The following C1QTNF3 variants were observed in gnomAD, a reference collection of about 807,000 sequenced individuals.
C1QTNF3 encodes C1q and TNF related 3.
In C1QTNF3, 26 loss-of-function variants were observed where a neutral mutation model predicts 32.6. The observed-to-expected ratio is 0.80, with a 90% CI of 0.58 to 1.11. The LOEUF is 1.11. C1QTNF3 is among the 50% of genes least tolerant of loss of function. The pLI, the probability that C1QTNF3 is intolerant of heterozygous loss-of-function variation, is 0.00. For synonymous variants in C1QTNF3, 155 were observed against 146.0 expected, an observed-to-expected ratio of 1.06 and a Z score of -0.44; for missense variants, 362 against 398.2, an observed-to-expected ratio of 0.91 and a Z score of 0.77.
At chr5:34,201,389 T>C in the C1QTNF3 span, among the ~76,000 whole-genome samples, 1 of 152,204 alleles carries the variant, frequency 6.6e-6, no homozygotes, top group African/African-American at 2.4e-5. Context: ...AACATGTTTT[T>C]ATCTATTAAT....
the C1QTNF3 span, among the ~76,000 whole-genome samples, chr5:34,128,821 G>C: frequency 6.6e-6 from 1 of 152,168 alleles, no homozygotes; most frequent in Non-Finnish European, 1.5e-5. Context: ...GTTTGTCTCA[G>C]AAAGACTTTG....
At chr5:34,035,052 T>C (rs188077175) in intron 2 of C1QTNF3, among the ~76,000 whole-genome samples, 12 of 152,174 alleles carry the variant, frequency 7.9e-5, no homozygotes, top group African/African-American at 9.6e-5. Context: ...GGGAGCCCCA[T>C]ATTGAGGAGA....
At chr5:34,105,051 T>C in the C1QTNF3 span, among the ~76,000 whole-genome samples, 7 of 152,230 alleles carry the variant, frequency 4.6e-5, no homozygotes, top group Admixed American at 6.5e-5. Context: ...TTTCTGTCTC[T>C]TGTGTTTTAG....
chr5:34,141,753 A>G, the C1QTNF3 span, among the ~76,000 whole-genome samples: 1 of 152,172 alleles, frequency 6.6e-6, no homozygotes, highest in South Asian at 2.1e-4. Flanking sequence ...GGGTGGTGTC[A>G]GTCAAATGGT....
At position 34,037,096 on chromosome 5, in the gene C1QTNF3, G is replaced by A. The variant is rs537338283; in HGVS notation, c.304-1338C>T. 5.3e-5 allele frequency among the ~76,000 whole-genome samples: 8 copies of A among 152,284 alleles called. No homozygotes were observed. The South Asian group carries it at 6.2e-4, about 12-fold the overall frequency. ...TAAATTTCTAAAATGTATGTTTACC[G>A]TCAAAGAGCTAAAGACCTAGTGGAA... On this transcript the variant is annotated intron_variant, in intron 1 of 5. Transcript: ENST00000382065.
At chr5:34,028,053 A>G (rs944336719) in intron 4 of C1QTNF3, among the ~76,000 whole-genome samples, 1 of 152,142 alleles carries the variant, frequency 6.6e-6, no homozygotes, top group African/African-American at 2.4e-5. Context: ...GCTCACTGCA[A>G]GCTCCGCCTC....
At chr5:34,115,687 C>A in the C1QTNF3 span, among the ~76,000 whole-genome samples, 2 of 150,434 alleles carry the variant, frequency 1.3e-5, no homozygotes, top group South Asian at 2.1e-4. Flanking sequence ...GCTGAGATGG[C>A]GCCACTGTAC....
the C1QTNF3 span, among the ~76,000 whole-genome samples, chr5:34,172,930 G>A: frequency 3.3e-5 from 5 of 152,040 alleles, no homozygotes; most frequent in Admixed American, 2.0e-4. Context: ...CTTGTATATC[G>A]AGGATCACAT....
the C1QTNF3 span, among the ~76,000 whole-genome samples, chr5:34,073,965 C>A: frequency 1.3e-5 from 2 of 152,146 alleles, no homozygotes; most frequent in South Asian, 4.1e-4. Context: ...CTCATTCAAT[C>A]ATTTTTTTGA....
chr5:34,148,819 G>C, the C1QTNF3 span, among the ~76,000 whole-genome samples: 1 of 101,540 alleles, frequency 9.8e-6, no homozygotes, highest in Non-Finnish European at 2.0e-5. Flanking sequence ...CCAAAGGAAC[G>C]CAGTTCCTCA....
chr5:34,126,188 T>C, the C1QTNF3 span, among the ~76,000 whole-genome samples: 1 of 152,232 alleles, frequency 6.6e-6, no homozygotes, highest in Non-Finnish European at 1.5e-5. Context: ...CAAATTTACA[T>C]TCTATAAATT....
chr5:34,032,623 C>A (rs1329518849), intron 3 of C1QTNF3, among the ~76,000 whole-genome samples: 1 of 152,104 alleles, frequency 6.6e-6, no homozygotes, highest in African/African-American at 2.4e-5. Flanking sequence ...ATGGCAAAAA[C>A]CCGTCTGTAT....
chr5:34,200,071 CCTT>C, the C1QTNF3 span: 2 of 149,422 alleles, frequency 1.3e-5, no homozygotes, highest in Non-Finnish European at 3.0e-5. Flanking sequence ...TTTGTCATCT[CCTT>C]GTCTTCCTAC....
the C1QTNF3 span, among the ~76,000 whole-genome samples, chr5:34,100,828 T>C: frequency 1.3e-5 from 2 of 151,018 alleles, no homozygotes; most frequent in South Asian, 2.1e-4. Flanking sequence ...TTTTAAAGTA[T>C]TGCATTTTAT....
At chr5:34,116,069 T>C in the C1QTNF3 span, among the ~76,000 whole-genome samples, 2 of 152,166 alleles carry the variant, frequency 1.3e-5, no homozygotes, top group African/African-American at 4.8e-5. Flanking sequence ...CCATTTTATA[T>C]GTACATTATA....
At chr5:34,128,262 G>T in the C1QTNF3 span, among the ~76,000 whole-genome samples, 1 of 152,194 alleles carries the variant, frequency 6.6e-6, no homozygotes, top group Non-Finnish European at 1.5e-5. Flanking sequence ...CTAGATTTCA[G>T]ATAATATATG....
chr5:34,116,075 T>C, the C1QTNF3 span, among the ~76,000 whole-genome samples: 6 of 152,166 alleles, frequency 3.9e-5, no homozygotes, highest in African/African-American at 1.2e-4. Context: ...TATATGTACA[T>C]TATATTCATC....
Position 34,020,613 on chromosome 5 carries a change from A to G in C1QTNF3, c.930T>C (p.Phe310=), listed in dbSNP as rs776447866. 2 of 1,614,264 alleles carry G rather than the reference A, an allele frequency of 1.2e-6. No homozygotes were observed. Among genetic ancestry groups the G allele is most frequent in the Non-Finnish European group, 1.7e-6 (2 of 1,180,040 alleles). Residue 310 remains phenylalanine, a synonymous_variant, in exon 6 of 6, where the codon TTT becomes TTC. Coordinates refer to ENST00000382065, the MANE Select transcript of C1QTNF3 (RefSeq NM_181435.6). The part of the protein sequence containing the change: ...LHGDHQRFST[F]AGFLLFETK ...TAGTTTCAAAGAGCAGGAATCCTGCAAAGGTGGAGAAGCGTTGGTGGTCCC... is the reference window on the plus strand; with the variant it reads ...TAGTTTCAAAGAGCAGGAATCCTGCGAAGGTGGAGAAGCGTTGGTGGTCCC...
the C1QTNF3 span, among the ~76,000 whole-genome samples, chr5:34,206,997 A>G: frequency 2.5e-4 from 38 of 152,242 alleles, no homozygotes; most frequent in African/African-American, 8.7e-4. Context: ...CAGAAGCCAC[A>G]TAGGGAGTGT....
Sources: gnomAD v4.1 joint callset for allele counts (sites outside exome capture counted in the v4.1 genomes callset) on GRCh38, gnomAD v4.1.1 for gene constraint, MANE v1.5 for transcripts, NCBI Gene and HGNC (gene_info 2026-07-23, HGNC 2026-07-21) for gene names.